The following PTGER3 variants were observed in gnomAD, a reference collection of about 807,000 sequenced individuals.
PTGER3 encodes prostaglandin E receptor 3, also known as prostaglandin E2 receptor EP3 subtype.
A neutral mutation model predicts 34.7 loss-of-function variants in PTGER3; 22 were observed. That is an observed-to-expected ratio of 0.63 (90% CI 0.45 to 0.91). The LOEUF is 0.91. Among genes scored for constraint, PTGER3 ranks in the 40% least tolerant of loss-of-function variants. The pLI is 0.00. For synonymous variants in PTGER3, 241 were observed against 230.1 expected (o/e 1.05, Z -0.43); for missense variants, 468 against 519.4 (o/e 0.90, Z 0.96).
At chr1:71,008,221 G>A in intron 2 of PTGER3, 1 of 943,124 alleles carries the variant, frequency 1.1e-6, no homozygotes, top group Non-Finnish European at 1.3e-6. Flanking sequence ...TATCTGGGTT[G>A]CTTATTACAT....
chr1:70,952,925 T>A (rs756316854), exon 4 of PTGER3: 1 of 1,610,264 alleles, frequency 6.2e-7, no homozygotes, highest in South Asian at 1.1e-5. Context: ...TCTTTACTGT[T>A]GAGATTCTGG....
intron 1 of PTGER3, among the ~76,000 whole-genome samples, chr1:71,038,536 A>G (rs1246594704): frequency 6.6e-6 from 1 of 152,166 alleles, no homozygotes; most frequent in Non-Finnish European, 1.5e-5. Context: ...TTCATTTTAG[A>G]TCGATGATCC....
chr1:70,885,798 A>G (rs1424982034), intron 4 of PTGER3, among the ~76,000 whole-genome samples: 4 of 152,238 alleles, frequency 2.6e-5, no homozygotes, highest in African/African-American at 9.6e-5. Flanking sequence ...ACAGTTGTGT[A>G]CAACATGCAA....
At chr1:71,034,342 G>A (rs1007944190) in intron 1 of PTGER3, among the ~76,000 whole-genome samples, 2 of 152,088 alleles carry the variant, frequency 1.3e-5, no homozygotes, top group Non-Finnish European at 2.9e-5. Context: ...GACATAACAG[G>A]TATTTTATAA....
chr1:71,019,277 T>C (rs1348607574), intron 1 of PTGER3, among the ~76,000 whole-genome samples: 1 of 152,216 alleles, frequency 6.6e-6, no homozygotes, highest in African/African-American at 2.4e-5. Flanking sequence ...TTACTGGTTT[T>C]AGCAAACACA....
intron 2 of PTGER3, among the ~76,000 whole-genome samples, chr1:70,956,557 A>G (rs1022703049): frequency 3.3e-5 from 5 of 152,184 alleles, no homozygotes; most frequent in Admixed American, 1.3e-4. Flanking sequence ...GACTAACAAT[A>G]CAAGCATTAG....
At chr1:71,001,880 G>A (rs1656526407) in intron 2 of PTGER3, among the ~76,000 whole-genome samples, 1 of 152,136 alleles carries the variant, frequency 6.6e-6, no homozygotes, top group African/African-American at 2.4e-5. Flanking sequence ...CATGAGATGA[G>A]AACAATCATA....
At chr1:70,953,165 C>G (rs1367844477) in intron 3 of PTGER3, 1 of 976,262 alleles carries the variant, frequency 1.0e-6, no homozygotes. Context: ...ACTATTTATA[C>G]AACATTTACA....
intron 1 of PTGER3, among the ~76,000 whole-genome samples, chr1:71,042,089 T>C (rs1266096233): frequency 6.6e-6 from 1 of 152,072 alleles, no homozygotes; most frequent in Non-Finnish European, 1.5e-5. Flanking sequence ...ATATTACAAC[T>C]TCAGACCATG....
chr1:70,963,618 C>T (rs1189887052), intron 2 of PTGER3, among the ~76,000 whole-genome samples: 2 of 152,298 alleles, frequency 1.3e-5, no homozygotes, highest in Admixed American at 1.3e-4. Flanking sequence ...TCCCTCTAGC[C>T]ATGGCTGGAG....
chr1:71,010,135 T>C (rs1346260632), intron 2 of PTGER3: 1 of 985,088 alleles, frequency 1.0e-6, no homozygotes, highest in African/African-American at 1.7e-5. Context: ...GTCAGGTTTT[T>C]TGCCTTTCTG....
chr1:70,859,800 A>T (rs987188363), intron 4 of PTGER3, among the ~76,000 whole-genome samples: 1 of 152,194 alleles, frequency 6.6e-6, no homozygotes, highest in Non-Finnish European at 1.5e-5. Context: ...AGCCTTATCC[A>T]TGTTGAGGAA....
At chr1:70,938,142 G>T (rs1180513048) in intron 4 of PTGER3, among the ~76,000 whole-genome samples, 1 of 152,114 alleles carries the variant, frequency 6.6e-6, no homozygotes, top group African/African-American at 2.4e-5. Flanking sequence ...TTTAGCAAAA[G>T]TCTTATTTTA....
chr1:70,865,598 G>A (rs943317945), intron 4 of PTGER3: 5 of 1,260,840 alleles, frequency 4.0e-6, no homozygotes, highest in Admixed American at 4.3e-5. Flanking sequence ...GATGAAAGAT[G>A]GTAAGTTATT....
intron 4 of PTGER3, among the ~76,000 whole-genome samples, chr1:70,926,354 A>G (rs1050379484): frequency 7.9e-5 from 12 of 152,188 alleles, no homozygotes; most frequent in Non-Finnish European, 1.5e-4. Flanking sequence ...CTTTTATTTC[A>G]TTGAGCAGTG....
intron 2 of PTGER3, chr1:71,007,055 C>A: frequency 1.0e-6 from 1 of 984,988 alleles, no homozygotes; most frequent in East Asian, 1.1e-4. Flanking sequence ...AATACACTGA[C>A]GATAACTACC....
intron 4 of PTGER3, among the ~76,000 whole-genome samples, chr1:70,921,134 A>G (rs1374658572): frequency 6.6e-6 from 1 of 152,218 alleles, no homozygotes; most frequent in African/African-American, 2.4e-5. Context: ...CTAAGAATCT[A>G]TTATGTTGTA....
exon 4 of PTGER3, chr1:70,952,796 G>A: frequency 7.3e-7 from 1 of 1,372,116 alleles, no homozygotes; most frequent in Non-Finnish European, 9.5e-7. Flanking sequence ...ACCTTTCCGA[G>A]TCAATCAACA....
At chr1:71,024,721 A>G (rs1557752824) in intron 1 of PTGER3, among the ~76,000 whole-genome samples, 1 of 143,154 alleles carries the variant, frequency 7.0e-6, no homozygotes, top group Admixed American at 7.3e-5. Context: ...TGCATAGCTA[A>G]TTTTTGTATT....
Sources: allele counts gnomAD v4.1 joint callset (sites outside exome capture counted in the v4.1 genomes callset), GRCh38; gene constraint gnomAD v4.1.1; transcripts MANE v1.5; gene names NCBI Gene and HGNC (gene_info 2026-07-23, HGNC 2026-07-21).